LY96: variants seen among roughly 807,000 people sequenced by gnomAD.
The protein encoded by LY96 is lymphocyte antigen 96.
Under a neutral mutation model 18.9 loss-of-function variants are expected in LY96, and 18 were observed. That is an observed-to-expected ratio of 0.95 (90% CI 0.66 to 1.41). LY96 has a LOEUF of 1.41. Among genes scored for constraint, LY96 ranks in the 40% most tolerant of loss-of-function variants. The pLI is 0.00. For missense variants in LY96, 175 were observed against 182.4 expected, an observed-to-expected ratio of 0.96 and a Z score of 0.23; for synonymous variants, 66 against 62.6, an observed-to-expected ratio of 1.06 and a Z score of -0.26.
intron 2 of LY96, among the ~76,000 whole-genome samples, chr8:74,008,061 A>T (rs991072919): frequency 6.6e-6 from 1 of 152,114 alleles, no homozygotes; most frequent in African/African-American, 2.4e-5. Flanking sequence ...CGCCCAGCCC[A>T]TGTTTCTTGT....
chr8:74,090,416 T>A, the LY96 span, among the ~76,000 whole-genome samples: 1 of 152,086 alleles, frequency 6.6e-6, no homozygotes, highest in Non-Finnish European at 1.5e-5. Context: ...TTAGGACAAA[T>A]AGGTAAGATT....
chr8:74,085,283 A>G, the LY96 span, among the ~76,000 whole-genome samples: 10 of 152,368 alleles, frequency 6.6e-5, no homozygotes, highest in South Asian at 1.9e-3. Flanking sequence ...ACTAAAACCT[A>G]TGATTGTCTG....
chr8:74,018,670 G>A lies in LY96; in HGVS notation c.332-8119G>A, dbSNP rs1224276790. On this transcript the variant is annotated intron_variant, in intron 3 of 4. Transcript: ENST00000284818. ...TATTCCAAAATTGACCACATAGTTG[G>A]AAGTAAAGCACTCCTCAGCAAATGT... Among the ~76,000 whole-genome samples, 4 of 152,252 alleles carry A rather than the reference G, an allele frequency of 2.6e-5. No homozygotes were observed. In the East Asian group the frequency reaches 7.7e-4, roughly 29 times the overall value.
At chr8:74,084,684 G>T in the LY96 span, among the ~76,000 whole-genome samples, 1 of 152,076 alleles carries the variant, frequency 6.6e-6, no homozygotes, top group South Asian at 2.1e-4. Flanking sequence ...CACAATCTCG[G>T]CTCACTGCAA....
chr8:74,098,709 A>T, the LY96 span, among the ~76,000 whole-genome samples: 12 of 152,220 alleles, frequency 7.9e-5, no homozygotes, highest in Admixed American at 1.3e-4. Context: ...TGATACTAAG[A>T]ACTTGCAGAA....
At chr8:74,076,183 C>T in the LY96 span, among the ~76,000 whole-genome samples, 12 of 151,998 alleles carry the variant, frequency 7.9e-5, no homozygotes, top group African/African-American at 1.4e-4. Context: ...CCCCACATCT[C>T]GCAGTTGGGA....
In LY96 at chr8:74,006,173, C is replaced by G. The variant is rs188262155; in HGVS notation, c.202+1288C>G. Among the ~76,000 whole-genome samples the G allele has an allele frequency of 4.5e-3, 681 of 152,208 alleles. 4 individuals are homozygous for G. Among genetic ancestry groups the G allele is most frequent in the Admixed American group, 8.0e-3 (122 of 15,282 alleles). On this transcript the variant is annotated intron_variant, in intron 2 of 4. Coordinates refer to ENST00000284818, the MANE Select transcript of LY96 (RefSeq NM_015364.5). Reference sequence around the variant, plus strand: ...AGTATCATGCTAGGCACTGTGAATTCATTGATAAGATATTCTCTCTCTCTC... The same window carrying G: ...AGTATCATGCTAGGCACTGTGAATTGATTGATAAGATATTCTCTCTCTCTC...
rs1210199639 is a variant in LY96, at chr8:74,011,126, G to T, written c.331+997G>T. 2.0e-5 allele frequency among the ~76,000 whole-genome samples: 3 copies of T among 152,126 alleles called. No homozygotes were observed. In the East Asian group the frequency reaches 5.8e-4, roughly 29 times the overall value. On this transcript the variant is annotated intron_variant, in intron 3 of 4. Transcript: ENST00000284818. ...ATTTACGTTCTGGTTATCTGAAGTT[G>T]AATGGTAGGATCTCCTTCCTCAGAA... is the stretch of plus-strand genomic sequence containing the variant.
At chr8:74,070,351 G>A in the LY96 span, among the ~76,000 whole-genome samples, 2 of 151,850 alleles carry the variant, frequency 1.3e-5, no homozygotes, top group East Asian at 1.9e-4. Context: ...TCGGCCTCCC[G>A]AAGTGCTAGG....
the LY96 span, among the ~76,000 whole-genome samples, chr8:74,096,351 A>G: frequency 6.6e-6 from 1 of 152,048 alleles, no homozygotes; most frequent in South Asian, 2.1e-4. Context: ...CCTGTCACTC[A>G]TCCATTTCAG....
chr8:74,089,373 C>T, the LY96 span, among the ~76,000 whole-genome samples: 3 of 152,108 alleles, frequency 2.0e-5, no homozygotes. Context: ...TCAATTTGGT[C>T]ACCGAGAGCA....
At chr8:74,005,851 T>C (rs1816397840) in intron 2 of LY96, among the ~76,000 whole-genome samples, 1 of 152,366 alleles carries the variant, frequency 6.6e-6, no homozygotes, top group East Asian at 1.9e-4. Context: ...TTTTAATCTT[T>C]ATCATCATCA....
the LY96 span, among the ~76,000 whole-genome samples, chr8:74,082,890 C>T: frequency 6.6e-6 from 1 of 152,008 alleles, no homozygotes; most frequent in African/African-American, 2.4e-5. Flanking sequence ...TAAGGATGTT[C>T]CTTTCACCCC....
chr8:73,993,740 G>A (rs1420164363), intron 1 of LY96, among the ~76,000 whole-genome samples: 2 of 151,964 alleles, frequency 1.3e-5, no homozygotes, highest in Admixed American at 1.3e-4. Context: ...ACCGCAGCTG[G>A]CCTAATTATT....
the LY96 span, chr8:74,056,420 G>T: frequency 4.3e-6 from 1 of 232,194 alleles, no homozygotes; most frequent in South Asian, 5.3e-5. Context: ...TCAATAAATT[G>T]ATTTTAGACA....
chr8:74,073,012 A>G, the LY96 span, among the ~76,000 whole-genome samples: 1 of 152,174 alleles, frequency 6.6e-6, no homozygotes. Flanking sequence ...GTGAGCCTGG[A>G]GCTTGAAGTC....
intron 2 of LY96, 65 bp downstream of exon 2, chr8:74,004,950 T>C (rs1816381708): frequency 8.0e-6 from 12 of 1,506,232 alleles, no homozygotes; most frequent in Non-Finnish European, 1.0e-5. Flanking sequence ...TGATAAATGA[T>C]TGTGTTTCAA....
chr8:74,061,600 T>C, the LY96 span, among the ~76,000 whole-genome samples: 1 of 152,184 alleles, frequency 6.6e-6, no homozygotes, highest in Admixed American at 6.5e-5. Context: ...ATTTCAAAGT[T>C]GCTAAGAGAG....
chr8:74,007,269 G>C (rs1397452088), intron 2 of LY96, among the ~76,000 whole-genome samples: 2 of 152,212 alleles, frequency 1.3e-5, no homozygotes, highest in Non-Finnish European at 2.9e-5. Flanking sequence ...GCTGCAGGCT[G>C]TCTGCCAGCT....
Sources: gnomAD v4.1 joint callset for allele counts (sites outside exome capture counted in the v4.1 genomes callset) on GRCh38, gnomAD v4.1.1 for gene constraint, MANE v1.5 for transcripts, NCBI Gene and HGNC (gene_info 2026-07-23, HGNC 2026-07-21) for gene names.